PDS5A: variants seen among roughly 807,000 people sequenced by gnomAD.
PDS5A encodes sister chromatid cohesion protein PDS5 homolog A.
A neutral mutation model predicts 167.1 loss-of-function variants in PDS5A; 42 were observed. The ratio of observed to expected loss-of-function variants is 0.25; its 90% CI spans 0.20 to 0.33. The LOEUF is 0.33. Ranked by LOEUF, PDS5A falls within the 10% of genes least tolerant of loss-of-function variation. The pLI is 1.00. For synonymous variants in PDS5A, 553 were observed against 554.6 expected, an observed-to-expected ratio of 1.00 and a Z score of 0.04; for missense variants, 1,033 against 1,605.9, an observed-to-expected ratio of 0.64 and a Z score of 6.10.
intron 2 of PDS5A, chr4:39,973,323 A>G (rs1730745377): frequency 3.1e-6 from 5 of 1,607,694 alleles, no homozygotes; most frequent in Non-Finnish European, 4.3e-6. Flanking sequence ...GACCTTGTAC[A>G]TGAACAGCAG....
At chr4:39,950,153 G>A (rs560180447) in intron 2 of PDS5A, among the ~76,000 whole-genome samples, 3 of 152,162 alleles carry the variant, frequency 2.0e-5, no homozygotes, top group African/African-American at 4.8e-5. Flanking sequence ...CGCCCACCTC[G>A]GCCTCCCAAA....
intron 26 of PDS5A, among the ~76,000 whole-genome samples, chr4:39,855,836 T>C (rs1355741965): frequency 6.6e-6 from 1 of 152,090 alleles, no homozygotes; most frequent in Admixed American, 6.5e-5. Flanking sequence ...CTAATGAACC[T>C]GCAAGAAACA....
rs139496427 is a variant in PDS5A, at chr4:39,895,157, G to A, written c.1770+3232C>T. Among the ~76,000 whole-genome samples, 690 of 141,420 alleles carry A rather than the reference G, an allele frequency of 4.9e-3. 8 individuals carry two copies. The highest frequency in any genetic ancestry group is 0.017 in the African/African-American group (638 of 38,388). 92.8% of individuals were successfully genotyped at this position (141,420 alleles called of 152,430 possible). ...CAAGAGAACGCAGTGAGCCAAGATC[G>A]CGCCACTGCACTCCAGCTTGGGCGA... On this transcript the variant is annotated intron_variant, in intron 16 of 32. Transcript: ENST00000303538.
intron 16 of PDS5A, among the ~76,000 whole-genome samples, chr4:39,894,112 G>C (rs948427537): frequency 6.6e-6 from 1 of 152,168 alleles, no homozygotes; most frequent in Non-Finnish European, 1.5e-5. Flanking sequence ...ACTCAGCTCA[G>C]AAGTACAAAG....
chr4:39,864,139 AAAAAC>A (rs1480878622), intron 23 of PDS5A, among the ~76,000 whole-genome samples: 1 of 151,962 alleles, frequency 6.6e-6, no homozygotes, highest in Non-Finnish European at 1.5e-5. Context: ...AAAAAAAACA[AAAAAC>A]AAAAAACAAA....
At chr4:39,964,177 CTG>C (rs1459168367) in intron 2 of PDS5A, among the ~76,000 whole-genome samples, 2 of 152,080 alleles carry the variant, frequency 1.3e-5, no homozygotes, top group Admixed American at 6.6e-5. Flanking sequence ...TGTATTTAGA[CTG>C]TGTTTACAGT....
intron 7 of PDS5A, among the ~76,000 whole-genome samples, chr4:39,919,822 A>T (rs1365175977): frequency 6.6e-6 from 1 of 152,168 alleles, no homozygotes; most frequent in African/African-American, 2.4e-5. Context: ...TTTAACTATT[A>T]CTATGTAGCA....
At chr4:39,872,234 C>T (rs965541517) in intron 21 of PDS5A, among the ~76,000 whole-genome samples, 4 of 132,422 alleles carry the variant, frequency 3.0e-5, no homozygotes, top group Non-Finnish European at 4.7e-5. Flanking sequence ...TGGAGTGCAA[C>T]TGTGCAATCA....
chr4:39,919,428 G>A (rs938533289), intron 7 of PDS5A, among the ~76,000 whole-genome samples: 5 of 152,148 alleles, frequency 3.3e-5, no homozygotes, highest in Admixed American at 6.5e-5. Flanking sequence ...GGCAGATCAC[G>A]AGGTCAGGAG....
intron 25 of PDS5A, 71 bp from the exon 26 acceptor site, chr4:39,862,404 T>C: frequency 1.7e-6 from 1 of 599,548 alleles, no homozygotes; most frequent in South Asian, 2.7e-5. Flanking sequence ...ACCACTTAAG[T>C]TTTCATTTTT....
intron 2 of PDS5A, among the ~76,000 whole-genome samples, chr4:39,953,107 T>G (rs2664210): frequency 0.7 from 106,168 of 151,982 alleles, 38,622 homozygotes; most frequent in Middle Eastern, 0.85. Context: ...AAACATTTTT[T>G]CCTCCATCCT....
Position 39,849,666 on chromosome 4 carries a change from T to C in PDS5A, c.3087-14A>G, listed in dbSNP as rs759217038. 5 of 1,595,290 alleles carry C rather than the reference T, an allele frequency of 3.1e-6. No individual in the cohort carries two copies. The highest frequency in any genetic ancestry group is 3.4e-6 in the Non-Finnish European group (4 of 1,164,314). Reference sequence around the variant, plus strand: ...AACCATAGGCACCTAAATGTAAACATATTAAAGAGACTAGACGTAGATAGA... The same window carrying C: ...AACCATAGGCACCTAAATGTAAACACATTAAAGAGACTAGACGTAGATAGA... On this transcript the variant is annotated splice_polypyrimidine_tract_variant and intron_variant, in intron 26 of 32. Transcript: ENST00000303538.
intron 2 of PDS5A, among the ~76,000 whole-genome samples, chr4:39,945,458 CA>C (rs1210256217): frequency 0.073 from 4,909 of 66,796 alleles, 122 homozygotes; most frequent in East Asian, 0.33. Flanking sequence ...GAGACTGCCT[CA>C]AAAAAAAAAA....
rs139225417 is a variant in PDS5A at position 39,934,735 on chromosome 4, A to G, written c.139-6571T>C. On this transcript the variant is annotated intron_variant, in intron 2 of 32. Coordinates refer to ENST00000303538, the MANE Select transcript of PDS5A (RefSeq NM_001100399.2). The stretch of plus-strand genomic sequence containing the variant: ...ACTAACACCAATACTATTAATAATG[A>G]TTAACATTTACTGAATATTTACCAC... 7.2e-3 allele frequency among the ~76,000 whole-genome samples: 1,084 copies of G among 151,380 alleles called. 13 individuals carry two copies. The highest frequency in any genetic ancestry group is 0.024 in the African/African-American group (999 of 41,214).
chr4:39,918,316 G>A (rs761447282), intron 7 of PDS5A, among the ~76,000 whole-genome samples: 2 of 150,884 alleles, frequency 1.3e-5, no homozygotes, highest in Admixed American at 1.3e-4. Context: ...GTTTTGACTC[G>A]CATGACAAAA....
At chr4:39,868,851 G>A (rs552606354) in intron 22 of PDS5A, 3 of 346,996 alleles carry the variant, frequency 8.6e-6, no homozygotes, top group South Asian at 2.2e-5. Context: ...AAGTGAAACA[G>A]ATTATCAAAG....
chr4:39,907,097 T>A (rs2109671018), intron 11 of PDS5A, among the ~76,000 whole-genome samples: 1 of 152,254 alleles, frequency 6.6e-6, no homozygotes, highest in Admixed American at 6.5e-5. Flanking sequence ...AAGATTCATT[T>A]ATTCAACTTT....
At chr4:39,848,067 T>C (rs1190470387) in intron 28 of PDS5A, 1 of 152,222 alleles carries the variant, frequency 6.6e-6, no homozygotes, top group African/African-American at 2.4e-5. Context: ...CCTGATGACC[T>C]GAGGTGAAAT....
chr4:39,962,222 T>C (rs1159765481), intron 2 of PDS5A, among the ~76,000 whole-genome samples: 4 of 152,076 alleles, frequency 2.6e-5, no homozygotes, highest in Non-Finnish European at 5.9e-5. Context: ...CACGCTCGAC[T>C]AATTTTTGTA....
Sources: allele counts gnomAD v4.1 joint callset (sites outside exome capture counted in the v4.1 genomes callset), GRCh38; gene constraint gnomAD v4.1.1; transcripts MANE v1.5; gene names NCBI Gene and HGNC (gene_info 2026-07-23, HGNC 2026-07-21).